ADAMTS6: variants seen among roughly 807,000 people sequenced by gnomAD.
The protein encoded by ADAMTS6 is A disintegrin and metalloproteinase with thrombospondin motifs 6.
In ADAMTS6, 23 loss-of-function variants were observed where a neutral mutation model predicts 144.3. That is an observed-to-expected ratio of 0.16 (90% CI 0.11 to 0.23). ADAMTS6 has a LOEUF of 0.23. ADAMTS6 is among the 10% of genes least tolerant of loss of function. ADAMTS6 has a pLI of 1.00. For synonymous variants in ADAMTS6, 444 were observed against 457.5 expected (o/e 0.97, Z 0.38); for missense variants, 999 against 1,379.6 (o/e 0.72, Z 4.37).
At chr5:65,198,391 A>T (rs1755524421) in intron 20 of ADAMTS6, 1 of 165,504 alleles carries the variant, frequency 6.0e-6, no homozygotes, top group Non-Finnish European at 1.5e-5. Flanking sequence ...CAAATTAGGG[A>T]AATATATGTG....
intron 22 of ADAMTS6, among the ~76,000 whole-genome samples, chr5:65,175,872 G>GA (rs35444401): frequency 6.3e-4 from 91 of 144,390 alleles, no homozygotes; most frequent in South Asian, 6.6e-4. Flanking sequence ...GTAATTGAAG[G>GA]AAAAAAAAAA....
At chr5:65,382,085 A>G (rs1038833585) in intron 7 of ADAMTS6, among the ~76,000 whole-genome samples, 2 of 152,322 alleles carry the variant, frequency 1.3e-5, no homozygotes, top group Middle Eastern at 3.4e-3. Flanking sequence ...GCTTTTTGGA[A>G]CACACACAAT....
At chr5:65,353,427 C>A (rs576695101) in intron 7 of ADAMTS6, among the ~76,000 whole-genome samples, 9 of 151,934 alleles carry the variant, frequency 5.9e-5, no homozygotes, top group Non-Finnish European at 8.8e-5. Context: ...GTGTTCTTAT[C>A]ATTTGTTGAA....
At chr5:65,287,098 T>C (rs1240613739) in intron 11 of ADAMTS6, among the ~76,000 whole-genome samples, 1 of 152,190 alleles carries the variant, frequency 6.6e-6, no homozygotes, top group East Asian at 1.9e-4. Context: ...CTAGCAGATA[T>C]TTTTAGATGA....
chr5:65,411,509 A>G (rs1421504096), intron 7 of ADAMTS6, among the ~76,000 whole-genome samples: 1 of 152,088 alleles, frequency 6.6e-6, no homozygotes, highest in Non-Finnish European at 1.5e-5. Context: ...CTTCATCAGC[A>G]TTTTCCTCCT....
At chr5:65,197,405 T>A (rs1250838773) in intron 20 of ADAMTS6, among the ~76,000 whole-genome samples, 1 of 152,214 alleles carries the variant, frequency 6.6e-6, no homozygotes, top group Non-Finnish European at 1.5e-5. Context: ...TCTTAAACAA[T>A]TTTATTCACA....
chr5:65,199,691 T>C (rs1285371697), intron 20 of ADAMTS6, among the ~76,000 whole-genome samples: 1 of 152,180 alleles, frequency 6.6e-6, no homozygotes, highest in Non-Finnish European at 1.5e-5. Flanking sequence ...AAACTAAAAC[T>C]GTCAGCTAAA....
chr5:65,352,560 C>A (rs1748960169), intron 7 of ADAMTS6, among the ~76,000 whole-genome samples: 1 of 151,908 alleles, frequency 6.6e-6, no homozygotes, highest in African/African-American at 2.4e-5. Context: ...CTACACAAGA[C>A]TAAATAAAAT....
intron 7 of ADAMTS6, among the ~76,000 whole-genome samples, chr5:65,366,481 C>G (rs753215217): frequency 3.9e-5 from 6 of 152,162 alleles, no homozygotes; most frequent in Admixed American, 1.3e-4. Flanking sequence ...AAGTTAGTCA[C>G]AATGCCCCTG....
chr5:65,432,446 T>C (rs1757066647), intron 7 of ADAMTS6, among the ~76,000 whole-genome samples: 1 of 152,066 alleles, frequency 6.6e-6, no homozygotes, highest in African/African-American at 2.4e-5. Context: ...CTTAAAAGCC[T>C]TTCTGAACTA....
At chr5:65,337,208 T>C (rs1297844951) in intron 7 of ADAMTS6, among the ~76,000 whole-genome samples, 1 of 152,158 alleles carries the variant, frequency 6.6e-6, no homozygotes, top group Non-Finnish European at 1.5e-5. Flanking sequence ...ATGAATATTT[T>C]TCCATACTTT....
intron 7 of ADAMTS6, among the ~76,000 whole-genome samples, chr5:65,373,966 G>C (rs894979693): frequency 9.2e-5 from 14 of 152,090 alleles, no homozygotes; most frequent in African/African-American, 3.1e-4. Context: ...ACGCAAATCA[G>C]TACATGTAAT....
intron 7 of ADAMTS6, among the ~76,000 whole-genome samples, chr5:65,412,049 C>T (rs1299833389): frequency 6.6e-6 from 1 of 152,024 alleles, no homozygotes; most frequent in Non-Finnish European, 1.5e-5. Flanking sequence ...CAACCATTAC[C>T]TAAGGTAGGT....
chr5:65,435,632 A>AT (rs34886866), intron 7 of ADAMTS6, among the ~76,000 whole-genome samples: 52 of 149,108 alleles, frequency 3.5e-4, no homozygotes, highest in East Asian at 5.9e-4. Flanking sequence ...TTATATTTTA[A>AT]TTTTTTTTTT....
chr5:65,271,376 TAAAA>T (rs771448447), intron 12 of ADAMTS6, among the ~76,000 whole-genome samples: 1 of 116,418 alleles, frequency 8.6e-6, no homozygotes, highest in Non-Finnish European at 1.7e-5. Context: ...ATACTCCGTC[TAAAA>T]AAAAAAAAAA....
At position 65,404,609 on chromosome 5, in the gene ADAMTS6, T is replaced by G. The variant is rs545671403; in HGVS notation, c.1073+46866A>C. Reference sequence around the variant, plus strand: ...TGAATAATGCCACAATAAACATACATGTGCATGTGTCTTTATAGCAGCATG... The same window carrying G: ...TGAATAATGCCACAATAAACATACAGGTGCATGTGTCTTTATAGCAGCATG... On this transcript the variant is annotated intron_variant, in intron 7 of 24. Coordinates refer to ENST00000381055, the MANE Select transcript of ADAMTS6 (RefSeq NM_197941.4). 5.7e-3 allele frequency among the ~76,000 whole-genome samples: 867 copies of G among 152,348 alleles called. 6 individuals carry two copies. The highest frequency in any genetic ancestry group is 0.011 in the Admixed American group (166 of 15,300).
intron 11 of ADAMTS6, among the ~76,000 whole-genome samples, chr5:65,282,860 G>C (rs908906698): frequency 4.6e-5 from 7 of 152,124 alleles, no homozygotes; most frequent in Admixed American, 1.3e-4. Flanking sequence ...CCTTGGCCAA[G>C]AAGGAAGGTG....
chr5:65,270,896 G>A (rs1762001960), intron 12 of ADAMTS6, among the ~76,000 whole-genome samples: 1 of 152,014 alleles, frequency 6.6e-6, no homozygotes, highest in Admixed American at 6.6e-5. Context: ...CAGGCAAGAG[G>A]CTTTTTAAAC....
At chr5:65,333,889 T>G (rs1747022694) in intron 8 of ADAMTS6, among the ~76,000 whole-genome samples, 153 bp downstream of exon 8, 1 of 149,464 alleles carries the variant, frequency 6.7e-6, no homozygotes, top group Admixed American at 6.7e-5. Context: ...AAAGGCTGGG[T>G]GTAACAGGTT....
Sources: gnomAD v4.1 joint callset for allele counts (sites outside exome capture counted in the v4.1 genomes callset) on GRCh38, gnomAD v4.1.1 for gene constraint, MANE v1.5 for transcripts, NCBI Gene and HGNC (gene_info 2026-07-23, HGNC 2026-07-21) for gene names.